PMM2: variants seen among roughly 807,000 people sequenced by gnomAD.
The protein encoded by PMM2 is phosphomannomutase 2.
PMM2 carries 35 observed loss-of-function variants against 33.2 expected under a neutral mutation model. The observed-to-expected ratio is 1.06, with a 90% CI of 0.81 to 1.40. The LOEUF is 1.40. Among genes scored for constraint, PMM2 ranks in the 40% most tolerant of loss-of-function variants. The pLI, the probability that PMM2 is intolerant of heterozygous loss-of-function variation, is 0.00. For missense variants in PMM2, 386 were observed against 306.0 expected, an observed-to-expected ratio of 1.26 and a Z score of -1.95; for synonymous variants, 153 against 114.7, an observed-to-expected ratio of 1.33 and a Z score of -2.13.
At chr16:8,798,332 T>C (rs1215810834) in intron 1 of PMM2, among the ~76,000 whole-genome samples, 2 of 152,172 alleles carry the variant, frequency 1.3e-5, no homozygotes, top group Admixed American at 6.5e-5. Context: ...TGAGTCATGA[T>C]ATTAAAAACA....
intron 7 of PMM2, chr16:8,829,242 G>A (rs2060795985): frequency 6.6e-6 from 1 of 152,234 alleles, no homozygotes; most frequent in African/African-American, 2.4e-5. Flanking sequence ...TACACGGCGA[G>A]AGGGGCCAGA....
chr16:8,824,042 C>T (rs2060752536), intron 7 of PMM2, among the ~76,000 whole-genome samples: 1 of 152,202 alleles, frequency 6.6e-6, no homozygotes, highest in South Asian at 2.1e-4. Context: ...GTTGAGAATA[C>T]TCACAAATAG....
intron 7 of PMM2, among the ~76,000 whole-genome samples, chr16:8,845,920 T>TA (rs1261026386): frequency 6.6e-6 from 1 of 151,636 alleles, no homozygotes; most frequent in Non-Finnish European, 1.5e-5. Flanking sequence ...CTGGGCAACA[T>TA]AGCAAGACCC....
intron 7 of PMM2, among the ~76,000 whole-genome samples, chr16:8,839,877 A>C (rs58774085): frequency 7.2e-6 from 1 of 139,296 alleles, no homozygotes; most frequent in Non-Finnish European, 1.5e-5. Flanking sequence ...GGGGGGAGAA[A>C]GGAGAAAGGA....
In PMM2 at chr16:8,848,146, A is replaced by G; in HGVS notation, c.*321A>G. ...GCGGAAATTTCCCCATCATTCTAGGATGATACAGAAAGAAAAACTGTGCCT... is the reference window on the plus strand; with the variant it reads ...GCGGAAATTTCCCCATCATTCTAGGGTGATACAGAAAGAAAAACTGTGCCT... On this transcript the variant is annotated 3_prime_UTR_variant, in exon 8 of 8. Transcript: ENST00000268261. The G allele has an allele frequency of 3.0e-6, 1 of 332,236 alleles. No individual in the cohort carries two copies. The highest frequency in any genetic ancestry group is 5.8e-6 in the Non-Finnish European group (1 of 173,504). The allele number at this position is 332,236 out of a possible 1,614,324, so 20.6% of individuals were successfully genotyped here.
intron 7 of PMM2, among the ~76,000 whole-genome samples, chr16:8,847,175 G>A (rs780447991): frequency 1.3e-5 from 2 of 152,132 alleles, no homozygotes; most frequent in African/African-American, 4.8e-5. Context: ...ACGTGGGGCT[G>A]TTTAAATTAA....
At chr16:8,803,724 C>G (rs973971303) in intron 2 of PMM2, among the ~76,000 whole-genome samples, 4 of 151,982 alleles carry the variant, frequency 2.6e-5, no homozygotes, top group Admixed American at 2.6e-4. Context: ...TTGAGACAGT[C>G]TTATTCTCTG....
At chr16:8,838,335 CATCTGGATG>C (rs1450650225) in intron 7 of PMM2, among the ~76,000 whole-genome samples, 3 of 152,008 alleles carry the variant, frequency 2.0e-5, no homozygotes, top group Non-Finnish European at 4.4e-5. Flanking sequence ...TACTTCAGGC[CATCTGGATG>C]TATACGTGCA....
intron 7 of PMM2, among the ~76,000 whole-genome samples, chr16:8,818,013 C>A (rs185277469): frequency 6.6e-6 from 1 of 151,558 alleles, no homozygotes; most frequent in African/African-American, 2.4e-5. Context: ...ACACCATTCT[C>A]CTGCCTCATC....
intron 7 of PMM2, chr16:8,847,502 G>A (rs1355679337): frequency 1.8e-5 from 10 of 556,138 alleles, no homozygotes; most frequent in South Asian, 7.9e-5. Context: ...GCATAATTAC[G>A]TGTTCCAAGC....
intron 7 of PMM2, among the ~76,000 whole-genome samples, chr16:8,824,891 TA>T (rs1283095035): frequency 1.3e-5 from 2 of 152,386 alleles, no homozygotes; most frequent in East Asian, 1.9e-4. Flanking sequence ...ATCTTTCTTT[TA>T]TTTTTTTTAA....
At chr16:8,837,130 C>T (rs1169415256) in intron 7 of PMM2, among the ~76,000 whole-genome samples, 1 of 151,828 alleles carries the variant, frequency 6.6e-6, no homozygotes, top group Non-Finnish European at 1.5e-5. Context: ...GGGGTTGCGA[C>T]TGAGGGGACA....
intron 7 of PMM2, among the ~76,000 whole-genome samples, chr16:8,825,290 C>CA (rs1206659275): frequency 2.0e-5 from 3 of 151,992 alleles, no homozygotes; most frequent in Non-Finnish European, 2.9e-5. Flanking sequence ...CTCGGCCTCC[C>CA]AAAGTGCTAG....
chr16:8,800,028 G>A lies in PMM2; in HGVS notation c.67-1771G>A, dbSNP rs113393700. ...CTCCAAGTGTTTATATACTGAGGTT[G>A]AATTAAATGGTTTTTTGTATTTTCT... is the stretch of plus-strand genomic sequence containing the variant. On this transcript the variant is annotated intron_variant, in intron 1 of 7. Coordinates refer to ENST00000268261, the MANE Select transcript of PMM2 (RefSeq NM_000303.3). Among the ~76,000 whole-genome samples, 340 of 152,308 alleles carry A rather than the reference G, an allele frequency of 2.2e-3. 4 individuals are homozygous for A. Among genetic ancestry groups the A allele is most frequent in the Middle Eastern group, 0.017 (5 of 294 alleles).
At chr16:8,805,994 A>G (rs971754211) in intron 3 of PMM2, among the ~76,000 whole-genome samples, 2 of 152,248 alleles carry the variant, frequency 1.3e-5, no homozygotes, top group African/African-American at 4.8e-5. Context: ...TTGTCTGTCA[A>G]TATCTGGAGA....
chr16:8,806,700 G>A, intron 4 of PMM2: 1 of 457,074 alleles, frequency 2.2e-6, no homozygotes, highest in Non-Finnish European at 4.0e-6. Flanking sequence ...AGGAATAATT[G>A]GAAACAGTCC....
chr16:8,806,565 G>C, intron 4 of PMM2, 158 bp downstream of exon 4: 1 of 666,582 alleles, frequency 1.5e-6, no homozygotes, highest in Non-Finnish European at 2.7e-6. Context: ...TTCTGGTTCA[G>C]AAAGCCTGAG....
chr16:8,839,796 G>T (rs565068789), intron 7 of PMM2, among the ~76,000 whole-genome samples: 2 of 151,836 alleles, frequency 1.3e-5, no homozygotes, highest in South Asian at 2.1e-4. Context: ...AATTCCAGTG[G>T]GTCTTTGCCG....
chr16:8,841,629 G>C (rs1310459799), intron 7 of PMM2, among the ~76,000 whole-genome samples: 39 of 147,478 alleles, frequency 2.6e-4, no homozygotes, highest in Non-Finnish European at 3.6e-4. Context: ...CTATAGCATA[G>C]CCTGCCTTTG....
Sources: gnomAD v4.1 joint callset for allele counts (sites outside exome capture counted in the v4.1 genomes callset) on GRCh38, gnomAD v4.1.1 for gene constraint, MANE v1.5 for transcripts, NCBI Gene and HGNC (gene_info 2026-07-23, HGNC 2026-07-21) for gene names.